The following RBM33 variants were observed in gnomAD, a reference collection of about 807,000 sequenced individuals.
RBM33 encodes the protein RNA-binding protein 33.
Under a neutral mutation model 132.6 loss-of-function variants are expected in RBM33, and 28 were observed. That is an observed-to-expected ratio of 0.21 (90% CI 0.16 to 0.29). The LOEUF (loss-of-function observed/expected upper bound fraction) is 0.29, where lower values mean the gene tolerates loss of function less well. Ranked by LOEUF, RBM33 falls within the 10% of genes least tolerant of loss-of-function variation. RBM33 has a pLI of 1.00. For synonymous variants in RBM33, 634 were observed against 593.0 expected (o/e 1.07, Z -1.01); for missense variants, 1,291 against 1,518.5 (o/e 0.85, Z 2.49).
At chr7:155,736,475 G>A (rs1801130436) in intron 9 of RBM33, among the ~76,000 whole-genome samples, 1 of 152,238 alleles carries the variant, frequency 6.6e-6, no homozygotes, top group South Asian at 2.1e-4. Flanking sequence ...GGTCAATACG[G>A]TGGTTTAAAA....
rs1274806310 is a variant in RBM33 at position 155,739,708 on chromosome 7, A to G, written c.1738-7A>G. The G allele has an allele frequency of 6.5e-7, 1 of 1,540,760 alleles. No homozygotes were observed. The highest frequency in any genetic ancestry group is 1.4e-5 in the African/African-American group (1 of 72,808). On this transcript the variant is annotated splice_region_variant and splice_polypyrimidine_tract_variant and intron_variant, in intron 11 of 17. Transcript: ENST00000401878. The stretch of plus-strand genomic sequence containing the variant: ...AACTGTTGTTTCTCTTTCTTTGGAA[A>G]TGGAAGGGGCCGTTGCATCCTCCAT...
rs1801274847 is a variant in RBM33, at chr7:155,739,969, T to C, written c.1992T>C (p.Ala664=). ...AGTTCCGGCCTCACGTACAGACCGC[T>C]CAGCCTCAGGCCAGCAGCAGCCGGA... ...QPQFRPHVQT[A]QPQASSSRMQ... Residue 664 remains alanine, a synonymous_variant, in exon 12 of 18, where the codon GCT becomes GCC. Transcript: ENST00000401878. 2 of 1,565,390 alleles carry C rather than the reference T, an allele frequency of 1.3e-6. No homozygotes were observed. Among genetic ancestry groups the C allele is most frequent in the South Asian group, 1.2e-5 (1 of 84,994 alleles).
At chr7:155,756,762 A>G (rs780873987) in intron 14 of RBM33, among the ~76,000 whole-genome samples, 9 of 152,194 alleles carry the variant, frequency 5.9e-5, no homozygotes, top group Non-Finnish European at 1.0e-4. Flanking sequence ...CACAAGTTGC[A>G]AAGTAGGCAG....
chr7:155,673,801 C>CA (rs1799077085), intron 3 of RBM33, among the ~76,000 whole-genome samples: 2 of 142,408 alleles, frequency 1.4e-5, no homozygotes, highest in Non-Finnish European at 1.5e-5. Flanking sequence ...CACACACACA[C>CA]CCCTACCAGT....
At chr7:155,766,984 T>G (rs1802243786) in intron 16 of RBM33, 1 of 302,614 alleles carries the variant, frequency 3.3e-6, no homozygotes, top group East Asian at 8.9e-5. Context: ...ATGACTTGTT[T>G]TATTTGTAAT....
Position 155,739,980 on chromosome 7 carries a change from C to G in RBM33, c.2003C>G (p.Ala668Gly). 1 of 1,565,754 alleles carries G rather than the reference C, an allele frequency of 6.4e-7. No homozygotes were observed. Among genetic ancestry groups the G allele is most frequent in the Non-Finnish European group, 8.7e-7 (1 of 1,153,916 alleles). Reference protein sequence around the residue: ...RPHVQTAQPQASSSRMQCPQR... With the variant: ...RPHVQTAQPQGSSSRMQCPQR... Reference sequence around the variant, plus strand: ...CACGTACAGACCGCTCAGCCTCAGGCCAGCAGCAGCCGGATGCAGTGCCCC... The same window carrying G: ...CACGTACAGACCGCTCAGCCTCAGGGCAGCAGCAGCCGGATGCAGTGCCCC... Residue 668 changes from alanine to glycine, a missense_variant, in exon 12 of 18, where the codon GCC (alanine) becomes GGC (glycine). Physicochemically the swap from Ala to Gly is moderately conservative, Grantham distance 60. Transcript: ENST00000401878.
Position 155,745,975 on chromosome 7 carries a change from C to T in RBM33, c.2979+373C>T, listed in dbSNP as rs1029519346. ...CACACAATGATGAGTAGTTGTGTGT[C>T]GAAATGTATCTTAGTGAAGGTACAG... On this transcript the variant is annotated intron_variant, in intron 14 of 17. Transcript: ENST00000401878. The surrounding 1 kb of genome is among the most constrained non-coding windows in gnomAD (Gnocchi z 4.1). 4.6e-5 allele frequency among the ~76,000 whole-genome samples: 7 copies of T among 152,110 alleles called. No homozygotes were observed. Among genetic ancestry groups the T allele is most frequent in the South Asian group, 2.1e-4 (1 of 4,832 alleles).
rs942077163 is a variant in RBM33 at position 155,679,171 on chromosome 7, TAAAAAAA to T, written c.248+494_248+500del. 6.2e-4 allele frequency among the ~76,000 whole-genome samples: 90 copies of T among 146,124 alleles called. No individual in the cohort carries two copies. The South Asian group carries it at 7.0e-3, about 11-fold the overall frequency. On this transcript the variant is annotated intron_variant, in intron 4 of 17. Transcript: ENST00000401878. ...TGGGAGACAGAGTGAAACGCCGTCT[TAAAAAAA>T]AAAAAACAAAAAACAAAAAATCAGT...
chr7:155,735,699 CT>C lies in RBM33; in HGVS notation c.1261-1830del, dbSNP rs1801098085. Among the ~76,000 whole-genome samples, 3 of 146,050 alleles carry C rather than the reference CT, an allele frequency of 2.1e-5. No homozygotes were observed. The South Asian group carries it at 6.4e-4, about 31-fold the overall frequency. On this transcript the variant is annotated intron_variant, in intron 9 of 17. Coordinates refer to ENST00000401878, the MANE Select transcript of RBM33 (RefSeq NM_053043.3). ...TAACAGAGCAAGACCCTGTCTCTCTCTCTCTCTCTCTCTCTCTCTGTCTCTC... is the reference window on the plus strand; with the variant it reads ...TAACAGAGCAAGACCCTGTCTCTCTCCTCTCTCTCTCTCTCTCTGTCTCTC...
intron 1 of RBM33, among the ~76,000 whole-genome samples, chr7:155,661,128 GTGTA>G (rs1280365066): frequency 7.2e-4 from 59 of 82,148 alleles, no homozygotes; most frequent in African/African-American, 1.7e-3. Context: ...GTGTGTGTGT[GTGTA>G]TATATATATA....
chr7:155,664,281 CA>C (rs1798737413), intron 1 of RBM33, among the ~76,000 whole-genome samples: 1 of 150,188 alleles, frequency 6.7e-6, no homozygotes, highest in Non-Finnish European at 1.5e-5. Flanking sequence ...TTTTTTGAGA[CA>C]GAGTTTCTGT....
At position 155,775,242 on chromosome 7, in the gene RBM33, G is replaced by A; in HGVS notation, c.*201G>A. 1 of 677,448 alleles carries A rather than the reference G, an allele frequency of 1.5e-6. No homozygotes were observed. Among genetic ancestry groups the A allele is most frequent in the South Asian group, 1.5e-5 (1 of 65,024 alleles). 42.0% of individuals were successfully genotyped at this position (677,448 alleles called of 1,614,324 possible). A position where few individuals can be genotyped will look rare whatever the true frequency, so the allele number is the denominator to read the frequency against. ...CAGGACACAGCAGGCTGGAGTTGGT[G>A]TTAGATTGCTTCACATTCTCTTGTC... is the stretch of plus-strand genomic sequence containing the variant. On this transcript the variant is annotated 3_prime_UTR_variant, in exon 18 of 18. Transcript: ENST00000401878.
chr7:155,684,042 A>G (rs1328810640), intron 5 of RBM33, among the ~76,000 whole-genome samples: 1 of 152,174 alleles, frequency 6.6e-6, no homozygotes, highest in East Asian at 1.9e-4. Context: ...GGACGCTAAC[A>G]GTTTTTTCTG....
chr7:155,741,425 AG>A (rs1801331867), intron 12 of RBM33, among the ~76,000 whole-genome samples: 1 of 152,218 alleles, frequency 6.6e-6, no homozygotes, highest in South Asian at 2.1e-4. Flanking sequence ...TTAAGTGACT[AG>A]GTAAAATAGT....
chr7:155,737,450 A>G, intron 9 of RBM33, 80 bp from the exon 10 acceptor site: 1 of 1,433,804 alleles, frequency 7.0e-7, no homozygotes, highest in Non-Finnish European at 9.2e-7. Context: ...AAAACTTGGA[A>G]CCAGGTCTAT....
chr7:155,690,394 G>A (rs1242004062), intron 5 of RBM33, among the ~76,000 whole-genome samples: 1 of 152,064 alleles, frequency 6.6e-6, no homozygotes, highest in Non-Finnish European at 1.5e-5. Flanking sequence ...CCTGAATATA[G>A]CACAGTGAGG....
rs1802552073 is a variant in RBM33 at position 155,774,869 on chromosome 7, G to A, written c.3465-124G>A. 1 of 884,876 alleles carries A rather than the reference G, an allele frequency of 1.1e-6. No homozygotes were observed. The highest frequency in any genetic ancestry group is 2.3e-5 in the Admixed American group (1 of 44,182). 54.8% of individuals were successfully genotyped at this position (884,876 alleles called of 1,614,324 possible). A position where few individuals can be genotyped will look rare whatever the true frequency, so the allele number is the denominator to read the frequency against. On this transcript the variant is annotated intron_variant, in intron 17 of 17. Coordinates refer to ENST00000401878, the MANE Select transcript of RBM33 (RefSeq NM_053043.3). This position sits in a 1 kb window ranked among gnomAD's most constrained non-coding sequence, Gnocchi z 4.2. ...TTTAATAGATCTTCCCGGGGAATCT[G>A]CCTTTTTATATGATGCGTTTTTATT...
At position 155,745,418 on chromosome 7, in the gene RBM33, C is replaced by G. The variant is rs143396425; in HGVS notation, c.2795C>G (p.Pro932Arg). 3 of 1,613,640 alleles carry G rather than the reference C, an allele frequency of 1.9e-6. No homozygotes were observed. Among genetic ancestry groups the G allele is most frequent in the Admixed American group, 1.7e-5 (1 of 59,980 alleles). ...SQTQPLHKVL[P>R]IKPADVEEPA... ...ACTCAGCCGCTGCATAAAGTGCTCCCGATCAAACCTGCAGATGTGGAGGAG... is the reference window on the plus strand; with the variant it reads ...ACTCAGCCGCTGCATAAAGTGCTCCGGATCAAACCTGCAGATGTGGAGGAG... Residue 932 changes from proline (P) to arginine (R), a missense_variant, in exon 14 of 18, where the codon CCG (proline) becomes CGG (arginine). Coordinates refer to ENST00000401878, the MANE Select transcript of RBM33 (RefSeq NM_053043.3). This position sits in a 1 kb window ranked among gnomAD's most constrained non-coding sequence, Gnocchi z 4.1.
intron 8 of RBM33, among the ~76,000 whole-genome samples, chr7:155,717,375 T>C (rs73167149): frequency 0.064 from 9,796 of 152,112 alleles, 476 homozygotes; most frequent in African/African-American, 0.14. Context: ...GTACTGTCTA[T>C]GTCTAAATTT....
Sources: gnomAD v4.1 joint callset for allele counts (sites outside exome capture counted in the v4.1 genomes callset) on GRCh38, gnomAD v4.1.1 for gene constraint, Gnocchi (gnomAD v3.1) non-coding constraint, MANE v1.5 for transcripts, NCBI Gene and HGNC (gene_info 2026-07-23, HGNC 2026-07-21) for gene names.